The following GABRB1 variants were observed in gnomAD, a reference collection of about 807,000 sequenced individuals.
GABRB1 encodes the protein gamma-aminobutyric acid receptor subunit beta-1.
Under a neutral mutation model 51.6 loss-of-function variants are expected in GABRB1, and 17 were observed. The observed-to-expected ratio is 0.33, with a 90% CI of 0.23 to 0.49. The LOEUF is 0.49. Among genes scored for constraint, GABRB1 ranks in the 20% least tolerant of loss-of-function variants. The pLI, the probability that GABRB1 is intolerant of heterozygous loss-of-function variation, is 0.99. For synonymous variants in GABRB1, 247 were observed against 218.9 expected (o/e 1.13, Z -1.14); for missense variants, 410 against 600.6 (o/e 0.68, Z 3.32).
chr4:47,139,736 G>A (rs1229023970), intron 3 of GABRB1, among the ~76,000 whole-genome samples: 1 of 151,968 alleles, frequency 6.6e-6, no homozygotes, highest in East Asian at 1.9e-4. Flanking sequence ...CTACTGTAGT[G>A]CTCTCAAACT....
intron 5 of GABRB1, among the ~76,000 whole-genome samples, chr4:47,325,323 T>A (rs1265191978): frequency 6.6e-6 from 1 of 151,756 alleles, no homozygotes; most frequent in African/African-American, 2.4e-5. Context: ...TAATCCCAGC[T>A]ACTTGGGAGG....
chr4:47,281,088 T>C (rs941581831), intron 4 of GABRB1, among the ~76,000 whole-genome samples: 2 of 152,150 alleles, frequency 1.3e-5, no homozygotes, highest in Non-Finnish European at 2.9e-5. Flanking sequence ...AAGTAAACAA[T>C]TAACAGAGTG....
chr4:47,161,580 A>C, intron 4 of GABRB1, 111 bp downstream of exon 4: 1 of 771,466 alleles, frequency 1.3e-6, no homozygotes, highest in South Asian at 1.8e-5. Flanking sequence ...GAATATATAA[A>C]TGGGGTGTCA....
At chr4:47,009,726 T>C (rs1453372994) in intron 1 of GABRB1, among the ~76,000 whole-genome samples, 1 of 152,170 alleles carries the variant, frequency 6.6e-6, no homozygotes, top group Non-Finnish European at 1.5e-5. Context: ...GTGATTTAAG[T>C]TGGGGGGTTT....
At chr4:47,407,426 G>A (rs1728613676) in intron 8 of GABRB1, among the ~76,000 whole-genome samples, 1 of 152,136 alleles carries the variant, frequency 6.6e-6, no homozygotes, top group South Asian at 2.1e-4. Context: ...ATTATAGTAT[G>A]TCTATCTCAC....
At chr4:47,097,185 A>G (rs953624248) in intron 3 of GABRB1, among the ~76,000 whole-genome samples, 13 of 152,252 alleles carry the variant, frequency 8.5e-5, no homozygotes, top group African/African-American at 2.4e-4. Context: ...TCTTCCTAAT[A>G]GCCTCCAAGG....
chr4:47,300,191 G>A (rs1184303413), intron 4 of GABRB1, among the ~76,000 whole-genome samples: 1 of 151,980 alleles, frequency 6.6e-6, no homozygotes, highest in Non-Finnish European at 1.5e-5. Context: ...GTATACATAT[G>A]TAACTAACCT....
chr4:47,140,899 G>A lies in GABRB1; in HGVS notation c.241-20350G>A, dbSNP rs148749726. On this transcript the variant is annotated intron_variant, in intron 3 of 8. Transcript: ENST00000295454. ...CTCTCAAATTACAACCTTCTTAGCA[G>A]TTGTCTATATATTTCTTCAATGATT... Among the ~76,000 whole-genome samples, 1,263 of 151,752 alleles carry A rather than the reference G, an allele frequency of 8.3e-3. 12 individuals are homozygous for A. The highest frequency in any genetic ancestry group is 0.013 in the Non-Finnish European group (900 of 67,868).
chr4:47,342,136 A>T (rs1388896196), intron 5 of GABRB1, among the ~76,000 whole-genome samples: 1 of 152,158 alleles, frequency 6.6e-6, no homozygotes, highest in Non-Finnish European at 1.5e-5. Flanking sequence ...GGTGCAGAAA[A>T]GTTTTTTTGT....
intron 3 of GABRB1, among the ~76,000 whole-genome samples, chr4:47,124,756 T>G (rs1716036090): frequency 6.6e-6 from 1 of 152,106 alleles, no homozygotes; most frequent in Admixed American, 6.6e-5. Flanking sequence ...CAGACTTGAT[T>G]AAGCAGAAGA....
intron 1 of GABRB1, among the ~76,000 whole-genome samples, chr4:46,995,475 C>A (rs1383575217): frequency 6.6e-6 from 1 of 152,146 alleles, no homozygotes. Flanking sequence ...CCTTCTACCT[C>A]AGCCTTCTAA....
At chr4:47,290,283 G>T (rs183050826) in intron 4 of GABRB1, among the ~76,000 whole-genome samples, 2 of 152,184 alleles carry the variant, frequency 1.3e-5, no homozygotes, top group Admixed American at 1.3e-4. Flanking sequence ...GATGGTTATT[G>T]TAAGAGGGAG....
Position 47,320,115 on chromosome 4 carries a change from CCTCT to C in GABRB1, c.462-9_462-6del, listed in dbSNP as rs777248613. 7.1e-6 allele frequency: 11 copies of C among 1,545,628 alleles called. No homozygotes were observed. The East Asian group carries it at 2.2e-4, about 32-fold the overall frequency. ...TTGTAATGTTTTCTTTTTTCTCTCT[CCTCT>C]CTATCAGAATCACAACCACAGCTGC... On this transcript the variant is annotated splice_polypyrimidine_tract_variant and splice_region_variant and intron_variant, in intron 4 of 8. Transcript: ENST00000295454.
intron 3 of GABRB1, among the ~76,000 whole-genome samples, chr4:47,075,096 C>T (rs1327750401): frequency 1.3e-5 from 2 of 152,176 alleles, no homozygotes; most frequent in Non-Finnish European, 2.9e-5. Context: ...TGAAGAGCTA[C>T]TAGCACTCAG....
At chr4:47,337,320 C>G (rs1209035275) in intron 5 of GABRB1, among the ~76,000 whole-genome samples, 1 of 152,076 alleles carries the variant, frequency 6.6e-6, no homozygotes, top group East Asian at 1.9e-4. Flanking sequence ...GGAGAAAAAG[C>G]AGCTAGGACT....
At chr4:47,245,457 C>G (rs1319135537) in intron 4 of GABRB1, among the ~76,000 whole-genome samples, 2 of 151,974 alleles carry the variant, frequency 1.3e-5, no homozygotes, top group Admixed American at 6.6e-5. Context: ...TTTCCTTGCT[C>G]CCTGGAAAAG....
chr4:47,126,561 C>T (rs1464016972), intron 3 of GABRB1, among the ~76,000 whole-genome samples: 1 of 152,010 alleles, frequency 6.6e-6, no homozygotes, highest in African/African-American at 2.4e-5. Context: ...ATCAAGTACA[C>T]CTCAACAAAG....
At chr4:47,267,605 GC>G (rs918690234) in intron 4 of GABRB1, among the ~76,000 whole-genome samples, 1 of 151,998 alleles carries the variant, frequency 6.6e-6, no homozygotes. Context: ...GACAAGCCTG[GC>G]CAACAATGCA....
intron 5 of GABRB1, among the ~76,000 whole-genome samples, chr4:47,348,126 T>A (rs958880039): frequency 2.0e-5 from 3 of 152,206 alleles, no homozygotes; most frequent in African/African-American, 7.2e-5. Context: ...AACCTTTTAA[T>A]CAAAACACGG....
Sources: allele counts gnomAD v4.1 joint callset (sites outside exome capture counted in the v4.1 genomes callset), GRCh38; gene constraint gnomAD v4.1.1; transcripts MANE v1.5; gene names NCBI Gene and HGNC (gene_info 2026-07-23, HGNC 2026-07-21).